The following DSE variants were observed in gnomAD, a reference collection of about 807,000 sequenced individuals.
DSE encodes the protein dermatan sulfate epimerase.
In DSE, 36 loss-of-function variants were observed where a neutral mutation model predicts 84.4. That is an observed-to-expected ratio of 0.43 (90% CI 0.33 to 0.56). The LOEUF (loss-of-function observed/expected upper bound fraction) is 0.56, where lower values mean the gene tolerates loss of function less well. Among genes scored for constraint, DSE ranks in the 20% least tolerant of loss-of-function variants. DSE has a pLI of 0.06. For synonymous variants in DSE, 410 were observed against 430.1 expected, an observed-to-expected ratio of 0.95 and a Z score of 0.58; for missense variants, 862 against 1,169.6, an observed-to-expected ratio of 0.74 and a Z score of 3.84.
intron 2 of DSE, among the ~76,000 whole-genome samples, chr6:116,334,604 T>A (rs749188983): frequency 3.9e-5 from 6 of 152,216 alleles, no homozygotes; most frequent in Non-Finnish European, 8.8e-5. Context: ...TGCCCATTCC[T>A]ACGTCCAGAA....
upstream of DSE, chr6:116,370,376 C>T (rs974976813): frequency 3.7e-5 from 29 of 789,236 alleles, no homozygotes; most frequent in Non-Finnish European, 7.7e-6. Context: ...CTATAGGTGA[C>T]CCCCGCCCCA....
chr6:116,285,008 G>A (rs940180845), intron 2 of DSE, among the ~76,000 whole-genome samples: 17 of 152,124 alleles, frequency 1.1e-4, no homozygotes, highest in Admixed American at 6.5e-4. Context: ...ATAGCAGCAT[G>A]ATTTATAATC....
intron 2 of DSE, among the ~76,000 whole-genome samples, chr6:116,283,069 G>A (rs922585214): frequency 6.6e-6 from 1 of 152,152 alleles, no homozygotes; most frequent in Non-Finnish European, 1.5e-5. Flanking sequence ...CATGACACAG[G>A]TTATCCTGCT....
intron 2 of DSE, among the ~76,000 whole-genome samples, chr6:116,268,444 C>A (rs1441332487): frequency 1.3e-5 from 2 of 152,200 alleles, no homozygotes; most frequent in Non-Finnish European, 2.9e-5. Context: ...TGACACATTT[C>A]TCAGAATGTC....
chr6:116,368,413 G>A (rs1276195987), upstream of DSE, among the ~76,000 whole-genome samples: 1 of 152,112 alleles, frequency 6.6e-6, no homozygotes, highest in Non-Finnish European at 1.5e-5. Flanking sequence ...GAAATTGAGA[G>A]GTGGAATTAC....
chr6:116,280,085 C>A, intron 2 of DSE: 1 of 585,062 alleles, frequency 1.7e-6, no homozygotes, highest in Non-Finnish European at 3.1e-6. Context: ...ATTTTACCTA[C>A]GTAAATAAAT....
At chr6:116,344,103 G>A (rs968175135) in intron 2 of DSE, among the ~76,000 whole-genome samples, 2 of 152,104 alleles carry the variant, frequency 1.3e-5, no homozygotes, top group African/African-American at 2.4e-5. Context: ...AAAAAGAAAC[G>A]AACAAAGCCT....
intron 2 of DSE, among the ~76,000 whole-genome samples, chr6:116,314,619 T>C (rs1405951180): frequency 6.6e-6 from 1 of 152,230 alleles, no homozygotes; most frequent in African/African-American, 2.4e-5. Context: ...CTGGACTAAA[T>C]ATATTTGGGG....
chr6:116,406,817 A>ACAGC (rs1475499740), intron 2 of DSE, among the ~76,000 whole-genome samples: 1 of 152,144 alleles, frequency 6.6e-6, no homozygotes, highest in Non-Finnish European at 1.5e-5. Context: ...CGAGTTCTGG[A>ACAGC]CAGCACAGGA....
chr6:116,399,785 GTGTTATT>G, intron 2 of DSE, 119 bp downstream of exon 2: 2 of 975,560 alleles, frequency 2.1e-6, no homozygotes, highest in Non-Finnish European at 1.5e-6. Context: ...GTGGGGGGAG[GTGTTATT>G]TGTTATTTGT....
chr6:116,412,306 T>C (rs758753539), intron 2 of DSE, among the ~76,000 whole-genome samples: 2 of 152,184 alleles, frequency 1.3e-5, no homozygotes, highest in East Asian at 1.9e-4. Flanking sequence ...CCTTCCTGAA[T>C]TGACTGAGCC....
At chr6:116,331,469 A>T (rs1776929834) in intron 2 of DSE, among the ~76,000 whole-genome samples, 1 of 152,216 alleles carries the variant, frequency 6.6e-6, no homozygotes, top group South Asian at 2.1e-4. Flanking sequence ...TCATGAGAAC[A>T]GCATGGGGGA....
In DSE at chr6:116,442,222, G is replaced by C. The variant is rs944094136; in HGVS notation, c.*4877G>C. The C allele has an allele frequency of 6.6e-6, 1 of 152,372 alleles. No individual in the cohort carries two copies. Among genetic ancestry groups the C allele is most frequent in the Non-Finnish European group, 1.5e-5 (1 of 68,206 alleles). 9.4% of individuals were successfully genotyped at this position (152,372 alleles called of 1,614,324 possible). ...GAGGCCAGTGTGGCTAGAGCAGAGT[G>C]GGGGAGGGGAGGGTGATAGGAATAG... On this transcript the variant is annotated 3_prime_UTR_variant, in exon 6 of 6. Coordinates refer to ENST00000644252, the MANE Select transcript of DSE (RefSeq NM_013352.4).
intron 4 of DSE, among the ~76,000 whole-genome samples, chr6:116,432,081 T>A (rs1017110469): frequency 6.6e-6 from 1 of 152,224 alleles, no homozygotes; most frequent in African/African-American, 2.4e-5. Context: ...TAAGATTTAG[T>A]TTAGACTTAC....
chr6:116,355,045 A>T (rs1447429305), intron 2 of DSE, among the ~76,000 whole-genome samples: 1 of 152,216 alleles, frequency 6.6e-6, no homozygotes, highest in Non-Finnish European at 1.5e-5. Context: ...ACACATACCT[A>T]TATGCGTAAT....
intron 2 of DSE, among the ~76,000 whole-genome samples, chr6:116,261,136 G>T (rs1772394578): frequency 6.6e-6 from 1 of 151,814 alleles, no homozygotes. Flanking sequence ...TTTCCTTTAT[G>T]CATCTCCGAT....
At chr6:116,279,928 A>C in intron 2 of DSE, 3 of 1,552,808 alleles carry the variant, frequency 1.9e-6, no homozygotes, top group Non-Finnish European at 1.8e-6. Flanking sequence ...CTACAGTCTC[A>C]CTAACATTTC....
At chr6:116,318,197 G>T (rs1293633551) in intron 2 of DSE, among the ~76,000 whole-genome samples, 1 of 152,138 alleles carries the variant, frequency 6.6e-6, no homozygotes, top group Non-Finnish European at 1.5e-5. Context: ...AATGGGCTAG[G>T]TGTCATTATG....
At chr6:116,395,243 G>A (rs1225888327) in intron 1 of DSE, among the ~76,000 whole-genome samples, 1 of 152,156 alleles carries the variant, frequency 6.6e-6, no homozygotes, top group Non-Finnish European at 1.5e-5. Flanking sequence ...GGCTAACAGG[G>A]TGAAACCCCA....
Sources: gnomAD v4.1 joint callset for allele counts (sites outside exome capture counted in the v4.1 genomes callset) on GRCh38, gnomAD v4.1.1 for gene constraint, MANE v1.5 for transcripts, NCBI Gene and HGNC (gene_info 2026-07-23, HGNC 2026-07-21) for gene names.